RIMS3: variants seen among roughly 807,000 people sequenced by gnomAD.
RIMS3 encodes regulating synaptic membrane exocytosis 3.
Under a neutral mutation model 29.2 loss-of-function variants are expected in RIMS3, and 15 were observed. That is an observed-to-expected ratio of 0.51 (90% CI 0.34 to 0.79). The LOEUF (loss-of-function observed/expected upper bound fraction) is 0.79. Ranked by LOEUF, RIMS3 falls within the 30% of genes least tolerant of loss-of-function variation. The pLI, the probability that RIMS3 is intolerant of heterozygous loss-of-function variation, is 0.01. For synonymous variants in RIMS3, 161 were observed against 170.1 expected (o/e 0.95, Z 0.41); for missense variants, 342 against 421.4 (o/e 0.81, Z 1.65).
the RIMS3 span, among the ~76,000 whole-genome samples, chr1:40,673,721 C>A: frequency 6.6e-6 from 1 of 152,350 alleles, no homozygotes; most frequent in East Asian, 1.9e-4. Context: ...CTCCAGTCGT[C>A]CCTGTCCTTC....
rs1318585067 is a variant in RIMS3 at position 40,626,441 on chromosome 1, G to A, written c.*76C>T. The stretch of plus-strand genomic sequence containing the variant: ...GACAAGGGGTCCAGAAAGACACGAA[G>A]ACTATGTACAGGGGAGGACATGGGG... On this transcript the variant is annotated 3_prime_UTR_variant, in exon 8 of 8. Coordinates refer to ENST00000372684, the MANE Select transcript of RIMS3 (RefSeq NM_014747.3). The A allele has an allele frequency of 2.3e-6, 3 of 1,325,426 alleles. No individual in the cohort carries two copies. The highest frequency in any genetic ancestry group is 3.2e-6 in the Non-Finnish European group (3 of 943,768). The allele number at this position is 1,325,426 out of a possible 1,614,324, so 82.1% of individuals were successfully genotyped here. A position where few individuals can be genotyped will look rare whatever the true frequency, so the allele number is the denominator to read the frequency against.
chr1:40,637,607 T>C (rs1216821646), intron 3 of RIMS3, among the ~76,000 whole-genome samples: 3 of 152,122 alleles, frequency 2.0e-5, no homozygotes, highest in Non-Finnish European at 2.9e-5. Flanking sequence ...AGTAATCTCA[T>C]ACACAAGGCT....
chr1:40,685,917 G>C, the RIMS3 span, among the ~76,000 whole-genome samples: 3 of 152,158 alleles, frequency 2.0e-5, no homozygotes, highest in African/African-American at 7.2e-5. Context: ...GCTGAGGCAG[G>C]GGGGCAGATC....
At chr1:40,663,679 T>C (rs1323722372) in intron 1 of RIMS3, among the ~76,000 whole-genome samples, 1 of 151,950 alleles carries the variant, frequency 6.6e-6, no homozygotes, top group Non-Finnish European at 1.5e-5. Context: ...AAAATCCAAT[T>C]AAAGTCCAGA....
chr1:40,633,484 G>T (rs750264434), intron 4 of RIMS3, among the ~76,000 whole-genome samples: 2 of 152,264 alleles, frequency 1.3e-5, no homozygotes, highest in African/African-American at 2.4e-5. Flanking sequence ...GGCAGGGCTT[G>T]CTGGACACCT....
the RIMS3 span, among the ~76,000 whole-genome samples, chr1:40,689,002 T>C: frequency 1.4e-3 from 218 of 152,378 alleles, 4 homozygotes; most frequent in South Asian, 0.023. Context: ...CTTACCCCCA[T>C]GGATAGCTAA....
chr1:40,677,180 T>C, the RIMS3 span, among the ~76,000 whole-genome samples: 3 of 151,804 alleles, frequency 2.0e-5, no homozygotes, highest in East Asian at 5.8e-4. Flanking sequence ...TTAAAAATTA[T>C]TTTTAGTAGA....
upstream of RIMS3, among the ~76,000 whole-genome samples, chr1:40,667,764 G>A (rs546483676): frequency 2.6e-5 from 4 of 152,308 alleles, no homozygotes; most frequent in East Asian, 7.7e-4. Flanking sequence ...AGCAGGACTA[G>A]ACCGATCTGT....
intron 5 of RIMS3, among the ~76,000 whole-genome samples, chr1:40,632,227 C>T (rs371582051): frequency 1.3e-5 from 2 of 151,486 alleles, no homozygotes; most frequent in South Asian, 2.1e-4. Flanking sequence ...ACTGGTGTGC[C>T]GCATAATGAC....
chr1:40,643,180 C>T (rs1325019497), intron 2 of RIMS3, among the ~76,000 whole-genome samples: 1 of 151,918 alleles, frequency 6.6e-6, no homozygotes, highest in African/African-American at 2.4e-5. Context: ...CACTCTGTCA[C>T]CCAGGCAGTG....
the RIMS3 span, chr1:40,687,663 A>G: frequency 1.3e-5 from 2 of 151,628 alleles, no homozygotes; most frequent in Admixed American, 1.3e-4. Context: ...AAAAACTTCT[A>G]CCACTCACTT....
Position 40,628,949 on chromosome 1 carries a change from G to A in RIMS3, c.575C>T (p.Ala192Val), listed in dbSNP as rs1218298656. ...TPKPGSKSLP[A>V]TYIKVYLLEN... is the part of the protein sequence containing the mutation. Reference sequence around the variant, plus strand: ...CAGCAGGTAAACCTTGATATAGGTGGCTAAGGGAGGAGAGAATGTATGACA... The same window carrying A: ...CAGCAGGTAAACCTTGATATAGGTGACTAAGGGAGGAGAGAATGTATGACA... The change falls in exon 7 of 8, where the codon GCC becomes GTC. Residue 192 changes from alanine to valine, a missense_variant and splice_region_variant. Transcript: ENST00000372684. The A allele has an allele frequency of 1.9e-6, 3 of 1,612,918 alleles. No individual in the cohort carries two copies. The highest frequency in any genetic ancestry group is 3.3e-5 in the Admixed American group (2 of 59,992).
chr1:40,675,267 C>T, the RIMS3 span, among the ~76,000 whole-genome samples: 7 of 149,482 alleles, frequency 4.7e-5, no homozygotes, highest in African/African-American at 1.7e-4. Flanking sequence ...GAGTGAGACC[C>T]TGTCTCAGGA....
chr1:40,676,223 TG>T, the RIMS3 span, among the ~76,000 whole-genome samples: 36 of 152,202 alleles, frequency 2.4e-4, no homozygotes, highest in Non-Finnish European at 4.0e-4. Context: ...TGTGTTATCT[TG>T]GCAAGTCCCT....
rs1352090394 is a variant in RIMS3, at chr1:40,633,208, G to C, written c.360-27C>G. 7 of 1,583,890 alleles carry C rather than the reference G, an allele frequency of 4.4e-6. 1 individual carries two copies. Among genetic ancestry groups the C allele is most frequent in the Non-Finnish European group, 6.1e-6 (7 of 1,153,396 alleles). ...TGCAGGAGGAGGCAGAGGGACGCGTGAGGGGGTCAGGGCAACCTGAGGATG... is the reference window on the plus strand; with the variant it reads ...TGCAGGAGGAGGCAGAGGGACGCGTCAGGGGGTCAGGGCAACCTGAGGATG... On this transcript the variant is annotated intron_variant, in intron 4 of 7. Coordinates refer to ENST00000372684, the MANE Select transcript of RIMS3 (RefSeq NM_014747.3).
chr1:40,644,070 C>T (rs1646578967), intron 2 of RIMS3, among the ~76,000 whole-genome samples: 1 of 151,072 alleles, frequency 6.6e-6, no homozygotes, highest in African/African-American at 2.4e-5. Context: ...GTGGGGGGCT[C>T]TCTCTCTTTC....
At chr1:40,652,775 T>C (rs2148356674) in intron 1 of RIMS3, among the ~76,000 whole-genome samples, 1 of 152,286 alleles carries the variant, frequency 6.6e-6, no homozygotes, top group South Asian at 2.1e-4. Context: ...TGTAATGCTT[T>C]ACAGAGATCA....
At chr1:40,677,171 T>A in the RIMS3 span, among the ~76,000 whole-genome samples, 6 of 151,738 alleles carry the variant, frequency 4.0e-5, no homozygotes, top group Non-Finnish European at 7.4e-5. Context: ...GCTAATTTTT[T>A]AAAAATTATT....
chr1:40,675,869 A>G, the RIMS3 span, among the ~76,000 whole-genome samples: 1 of 151,970 alleles, frequency 6.6e-6, no homozygotes, highest in Non-Finnish European at 1.5e-5. Flanking sequence ...CAGAGGTTGC[A>G]GTGAGTGATG....
Sources: allele counts gnomAD v4.1 joint callset (sites outside exome capture counted in the v4.1 genomes callset), GRCh38; gene constraint gnomAD v4.1.1; transcripts MANE v1.5; gene names NCBI Gene and HGNC (gene_info 2026-07-23, HGNC 2026-07-21).